The following ARHGAP6 variants were observed in gnomAD, a reference collection of about 807,000 sequenced individuals.
ARHGAP6 encodes rho GTPase-activating protein 6.
A neutral mutation model predicts 55.7 loss-of-function variants in ARHGAP6; 16 were observed. The ratio of observed to expected loss-of-function variants is 0.29; its 90% confidence interval spans 0.19 to 0.44. ARHGAP6 has a LOEUF of 0.44. Among genes scored for constraint, ARHGAP6 ranks in the 20% least tolerant of loss-of-function variants. The pLI, the probability that ARHGAP6 is intolerant of heterozygous loss-of-function variation, is 1.00. For missense variants in ARHGAP6, 698 were observed against 808.9 expected (o/e 0.86, Z 1.66); for synonymous variants, 382 against 360.9 (o/e 1.06, Z -0.66).
chrX:11,161,936 T>G (rs1483518970), intron 9 of ARHGAP6, among the ~76,000 whole-genome samples: 1 of 111,883 alleles, frequency 8.9e-6, no homozygotes, highest in African/African-American at 3.3e-5. Context: ...TCAGACTCTG[T>G]GTAGCCTCAC....
intron 1 of ARHGAP6, among the ~76,000 whole-genome samples, chrX:11,522,172 G>A (rs1194393504): frequency 9.0e-6 from 1 of 111,588 alleles, no homozygotes; most frequent in African/African-American, 3.3e-5. Flanking sequence ...AAATAAAGAT[G>A]TTCTTTGAAA....
chrX:11,240,573 G>C (rs973593292), intron 2 of ARHGAP6, among the ~76,000 whole-genome samples: 48 of 111,636 alleles, frequency 4.3e-4, no homozygotes, highest in African/African-American at 1.6e-3. Context: ...CAATATAATA[G>C]TTATCTGTTT....
At chrX:11,213,621 A>C (rs930237777) in intron 2 of ARHGAP6, among the ~76,000 whole-genome samples, 3 of 112,953 alleles carry the variant, frequency 2.7e-5, no homozygotes, top group African/African-American at 9.6e-5. Flanking sequence ...ATGGAACTAT[A>C]GACCATTATT....
chrX:11,195,298 G>A (rs772925622), intron 3 of ARHGAP6, among the ~76,000 whole-genome samples: 1 of 109,044 alleles, frequency 9.2e-6, no homozygotes, highest in South Asian at 4.1e-4. Context: ...GTTGCAGTGA[G>A]CCGAGATTGC....
chrX:11,194,393 G>A (rs754559346), intron 3 of ARHGAP6, among the ~76,000 whole-genome samples: 29 of 111,559 alleles, frequency 2.6e-4, no homozygotes, highest in African/African-American at 6.5e-4. Flanking sequence ...CACTTTAGAC[G>A]CTCTTAAAAA....
intron 10 of ARHGAP6, among the ~76,000 whole-genome samples, chrX:11,153,947 A>G (rs1034643366): frequency 9.1e-6 from 1 of 110,348 alleles, no homozygotes; most frequent in Non-Finnish European, 1.9e-5. Context: ...ATATCTCCTA[A>G]TGCTATTCCT....
chrX:11,297,958 C>T, intron 1 of ARHGAP6: 1 of 607,455 alleles, frequency 1.6e-6, no homozygotes, highest in South Asian at 2.5e-5. Context: ...TTTAACTCCC[C>T]ATAACCTTAT....
intron 1 of ARHGAP6, among the ~76,000 whole-genome samples, chrX:11,430,778 G>A (rs188086933): frequency 2.7e-5 from 3 of 111,744 alleles, no homozygotes; most frequent in African/African-American, 9.8e-5. Context: ...TGGGGTAACA[G>A]TGTAATTTCA....
At chrX:11,500,692 C>G (rs1302391335) in intron 1 of ARHGAP6, among the ~76,000 whole-genome samples, 5 of 96,511 alleles carry the variant, frequency 5.2e-5, no homozygotes, top group African/African-American at 2.0e-4. Flanking sequence ...AAAGAAGAAG[C>G]AAAGAGAAAC....
intron 1 of ARHGAP6, among the ~76,000 whole-genome samples, chrX:11,272,944 C>G (rs1269176783): frequency 8.9e-6 from 1 of 112,113 alleles, no homozygotes; most frequent in Non-Finnish European, 1.9e-5. Context: ...CAGCATATAA[C>G]TAGCCATGTG....
At chrX:11,504,056 T>G (rs547329202) in intron 1 of ARHGAP6, among the ~76,000 whole-genome samples, 188 of 108,957 alleles carry the variant, frequency 1.7e-3, no homozygotes, top group African/African-American at 5.5e-3. Context: ...CAATTTTTTT[T>G]GGGGGGGGGC....
Position 11,417,354 on chromosome X carries a change from C to T in ARHGAP6, c.589-162647G>A, listed in dbSNP as rs766940357. Among the ~76,000 whole-genome samples, 25 of 107,825 alleles carry T rather than the reference C, an allele frequency of 2.3e-4. 1 individual carries two copies. Among genetic ancestry groups the T allele is most frequent in the African/African-American group, 8.1e-4 (24 of 29,487 alleles). 93.6% of individuals were successfully genotyped at this position (107,825 alleles called of 115,157 possible). A position where few individuals can be genotyped will look rare whatever the true frequency, so the allele number is the denominator to read the frequency against. ...GGCAGGAGTAGGGTGGATGTGAATA[C>T]AAAGGGGTAGCATGGGGGGAGTGCT... On this transcript the variant is annotated intron_variant, in intron 1 of 12. Coordinates refer to ENST00000337414, the MANE Select transcript of ARHGAP6 (RefSeq NM_013427.3).
chrX:11,345,807 C>T lies in ARHGAP6; in HGVS notation c.589-91100G>A, dbSNP rs758933061. The stretch of plus-strand genomic sequence containing the variant: ...TGAATTTTTTTTTCATGTGCTCTAA[C>T]AGCTTTTAAAACAAGGAAATTATTA... On this transcript the variant is annotated intron_variant, in intron 1 of 12. Transcript: ENST00000337414. 2.7e-5 allele frequency among the ~76,000 whole-genome samples: 3 copies of T among 111,410 alleles called. No individual in the cohort carries two copies. The South Asian group carries it at 1.1e-3, about 42-fold the overall frequency.
At position 11,592,627 on chromosome X, in the gene ARHGAP6, ATATT is replaced by A. The variant is rs756245440; in HGVS notation, c.588+71610_588+71613del. 1.7e-3 allele frequency among the ~76,000 whole-genome samples: 185 copies of A among 111,846 alleles called. 1 individual carries two copies. Among genetic ancestry groups the A allele is most frequent in the African/African-American group, 5.8e-3 (180 of 30,809 alleles). ...GTTATTAGTGGTTATATCTAGTAAT[ATATT>A]TAGTATATACTAGTGATAAAATCCA... On this transcript the variant is annotated intron_variant, in intron 1 of 12. Coordinates refer to ENST00000337414, the MANE Select transcript of ARHGAP6 (RefSeq NM_013427.3).
intron 1 of ARHGAP6, among the ~76,000 whole-genome samples, chrX:11,506,907 C>T (rs780630227): frequency 1.8e-5 from 2 of 111,593 alleles, no homozygotes; most frequent in Non-Finnish European, 3.8e-5. Flanking sequence ...ATGTTATTTC[C>T]TGACTTTTTA....
chrX:11,213,105 G>T (rs907804625), intron 2 of ARHGAP6, among the ~76,000 whole-genome samples: 1 of 112,651 alleles, frequency 8.9e-6, no homozygotes, highest in Non-Finnish European at 1.9e-5. Flanking sequence ...CGGGAATGGG[G>T]AGTGCTCGGA....
intron 8 of ARHGAP6, among the ~76,000 whole-genome samples, chrX:11,174,547 TTCCTTCCTTC>T (rs2046144195): frequency 1.3e-5 from 1 of 79,221 alleles, no homozygotes; most frequent in South Asian, 7.9e-4. Flanking sequence ...CCTTCCTTCC[TTCCTTCCTTC>T]CTTCCTTCCT....
At chrX:11,546,262 G>T (rs2051211144) in intron 1 of ARHGAP6, among the ~76,000 whole-genome samples, 1 of 110,949 alleles carries the variant, frequency 9.0e-6, no homozygotes, top group African/African-American at 3.3e-5. Flanking sequence ...TGACTGCTAG[G>T]TGTTACACAA....
intron 1 of ARHGAP6, among the ~76,000 whole-genome samples, chrX:11,372,728 C>T (rs1197848793): frequency 1.1e-5 from 1 of 94,055 alleles, no homozygotes; most frequent in African/African-American, 4.0e-5. Flanking sequence ...GCCAAGATCG[C>T]GCCACTGTAC....
Sources: allele counts gnomAD v4.1 joint callset (sites outside exome capture counted in the v4.1 genomes callset), GRCh38; gene constraint gnomAD v4.1.1; transcripts MANE v1.5; gene names NCBI Gene and HGNC (gene_info 2026-07-23, HGNC 2026-07-21).